The following STK31 variants were observed in gnomAD, a reference collection of about 807,000 sequenced individuals.
STK31 encodes the protein serine/threonine-protein kinase 31.
In STK31, 89 loss-of-function variants were observed where a neutral mutation model predicts 129.7. The ratio of observed to expected loss-of-function variants is 0.69; its 90% CI spans 0.58 to 0.82. STK31 has a LOEUF of 0.82. Ranked by LOEUF, STK31 falls within the 40% of genes least tolerant of loss-of-function variation. The pLI is 0.00. For missense variants in STK31, 1,187 were observed against 1,176.4 expected, an observed-to-expected ratio of 1.01 and a Z score of -0.13; for synonymous variants, 448 against 395.3, an observed-to-expected ratio of 1.13 and a Z score of -1.58.
At chr7:23,767,291 T>C (rs1789890811) in intron 11 of STK31, among the ~76,000 whole-genome samples, 1 of 152,224 alleles carries the variant, frequency 6.6e-6, no homozygotes, top group Non-Finnish European at 1.5e-5. Context: ...AGATCTCATA[T>C]TCCCTTGGAA....
chr7:23,831,935 C>G (rs752248109), intron 23 of STK31, among the ~76,000 whole-genome samples: 21 of 152,258 alleles, frequency 1.4e-4, no homozygotes, highest in Middle Eastern at 3.4e-3. Context: ...CTGTGCCCAG[C>G]CAGATGATCT....
At chr7:23,786,978 C>A in intron 20 of STK31, 54 bp downstream of exon 20, 2 of 1,522,416 alleles carry the variant, frequency 1.3e-6, no homozygotes, top group Non-Finnish European at 9.1e-7. Flanking sequence ...GAAAATAACA[C>A]CTGATATTTA....
Position 23,710,322 on chromosome 7 carries a change from A to T in STK31, c.37A>T (p.Thr13Ser), listed in dbSNP as rs1350675504. ...GGGTCACTCTTCTAGAGCTTCCGCA[A>T]CGGAAAGTGTGAGGTCAGTAGTAGT... ...VQGHSSRASA[T>S]ESVSFSGIVQ... is the part of the protein sequence containing the mutation. The change falls in exon 1 of 24, where the codon ACG (threonine) becomes TCG (serine). Residue 13 changes from threonine (T) to serine (S), a missense_variant. Transcript: ENST00000355870. 6 of 1,613,318 alleles carry T rather than the reference A, an allele frequency of 3.7e-6. No homozygotes were observed. Among genetic ancestry groups the T allele is most frequent in the Non-Finnish European group, 5.1e-6 (6 of 1,179,924 alleles).
Position 23,729,615 on chromosome 7 carries a change from A to G in STK31, c.483+366A>G, listed in dbSNP as rs889301676. On this transcript the variant is annotated intron_variant, in intron 6 of 23. Transcript: ENST00000355870. ...AACCTCTGCCTCCCAGGTTCAAGCA[A>G]TTCTTCTGCCTCAGCCTCCCGAATA... is the stretch of plus-strand genomic sequence containing the variant. Among the ~76,000 whole-genome samples, 10 of 151,702 alleles carry G rather than the reference A, an allele frequency of 6.6e-5. 1 individual carries two copies. In the East Asian group the frequency reaches 1.7e-3, roughly 26 times the overall value.
chr7:23,727,330 G>A lies in STK31; in HGVS notation c.324+15G>A, dbSNP rs1787145195. On this transcript the variant is annotated intron_variant, in intron 5 of 23. Transcript: ENST00000355870. ...GCGTTGAAAAGGCAGGAAATTAAGT[G>A]TTCAGTTTTTTTTTGCTTTAAGAAA... The A allele has an allele frequency of 6.2e-7, 1 of 1,610,782 alleles. No individual in the cohort carries two copies. Among genetic ancestry groups the A allele is most frequent in the Non-Finnish European group, 8.5e-7 (1 of 1,177,852 alleles).
At chr7:23,819,624 A>C (rs570106396) in intron 23 of STK31, among the ~76,000 whole-genome samples, 9 of 152,292 alleles carry the variant, frequency 5.9e-5, no homozygotes, top group African/African-American at 2.2e-4. Flanking sequence ...CATGTTGGCC[A>C]GGCTGATCTT....
chr7:23,825,074 C>T (rs1420721847), intron 23 of STK31, among the ~76,000 whole-genome samples: 31 of 152,014 alleles, frequency 2.0e-4, no homozygotes, highest in African/African-American at 2.9e-4. Context: ...TTGGTTGTGT[C>T]TCTGCCCGGC....
At chr7:23,810,446 G>A (rs1227401716) in intron 22 of STK31, among the ~76,000 whole-genome samples, 1 of 142,716 alleles carries the variant, frequency 7.0e-6, no homozygotes, top group Non-Finnish European at 1.5e-5. Flanking sequence ...TACTGGTTTT[G>A]TTTGTTTCTT....
chr7:23,750,015 A>G (rs1306946823), intron 8 of STK31, among the ~76,000 whole-genome samples: 1 of 139,650 alleles, frequency 7.2e-6, no homozygotes, highest in African/African-American at 2.6e-5. Context: ...TTTTCAGGGT[A>G]GATCTTATTA....
intron 23 of STK31, among the ~76,000 whole-genome samples, chr7:23,819,518 G>T (rs1466614111): frequency 2.0e-5 from 3 of 151,696 alleles, no homozygotes; most frequent in African/African-American, 7.3e-5. Flanking sequence ...AGGTTCAAGC[G>T]ATTCTCCTGC....
intron 22 of STK31, among the ~76,000 whole-genome samples, chr7:23,796,348 A>G (rs1478109872): frequency 7.4e-6 from 1 of 134,416 alleles, no homozygotes; most frequent in Non-Finnish European, 1.6e-5. Flanking sequence ...GAAAGTAAAC[A>G]TATCAAGTTT....
chr7:23,717,402 A>G, intron 3 of STK31, 79 bp from the exon 4 acceptor site: 3 of 885,286 alleles, frequency 3.4e-6, no homozygotes, highest in Non-Finnish European at 4.9e-6. Flanking sequence ...TTTTAAGTTT[A>G]TCATGCTTAG....
intron 18 of STK31, among the ~76,000 whole-genome samples, chr7:23,786,237 G>T (rs1206663504): frequency 6.6e-6 from 1 of 151,546 alleles, no homozygotes; most frequent in Non-Finnish European, 1.5e-5. Context: ...TCTTCTCATT[G>T]ATCTGGGAAA....
At chr7:23,773,717 TTGTGTGTGTGTGTGTGAGTG>T (rs1445956616) in intron 15 of STK31, among the ~76,000 whole-genome samples, 7 of 138,462 alleles carry the variant, frequency 5.1e-5, no homozygotes, top group African/African-American at 1.0e-4. Flanking sequence ...GTTTCCTGAC[TTGTGTGTGTGTGTGTGAGTG>T]TGTGTGTGTG....
intron 22 of STK31, among the ~76,000 whole-genome samples, chr7:23,795,229 T>A (rs2128116949): frequency 6.6e-6 from 1 of 152,304 alleles, no homozygotes; most frequent in South Asian, 2.1e-4. Context: ...TGGTGCCCTG[T>A]GTCCCACCTG....
intron 2 of STK31, 22 bp from the exon 3 acceptor site, chr7:23,712,212 T>C: frequency 1.9e-6 from 3 of 1,614,092 alleles, no homozygotes; most frequent in Non-Finnish European, 2.5e-6. Flanking sequence ...CTAATTTTCC[T>C]TGTATTGTGA....
At chr7:23,712,894 A>G (rs1158047823) in intron 3 of STK31, among the ~76,000 whole-genome samples, 2 of 152,202 alleles carry the variant, frequency 1.3e-5, no homozygotes, top group African/African-American at 2.4e-5. Flanking sequence ...TAAACTATAC[A>G]TGATACGGAA....
chr7:23,735,543 A>G lies in STK31; in HGVS notation c.489A>G (p.Thr163=), dbSNP rs138226125. 12 of 1,592,480 alleles carry G rather than the reference A, an allele frequency of 7.5e-6. No homozygotes were observed. Among genetic ancestry groups the G allele is most frequent in the Non-Finnish European group, 9.4e-6 (11 of 1,168,580 alleles). ...DQEVTQFDQG[T]TFLGSLIFEK... is the part of the protein sequence containing the mutation. ...TATGTTTTCTTCTTTCTTAGGGCAC[A>G]ACCTTTTTGGGGAGCTTGATTTTTG... Residue 163 remains threonine, a synonymous_variant, in exon 7 of 24, where the codon ACA becomes ACG. Coordinates refer to ENST00000355870, the MANE Select transcript of STK31 (RefSeq NM_031414.5).
rs148938069 is a variant in STK31 at position 23,737,813 on chromosome 7, A to G, written c.1017+735A>G. Among the ~76,000 whole-genome samples, 365 of 151,992 alleles carry G rather than the reference A, an allele frequency of 2.4e-3. 2 individuals carry two copies. The highest frequency in any genetic ancestry group is 6.8e-3 in the Middle Eastern group (2 of 294). On this transcript the variant is annotated intron_variant, in intron 8 of 23. Transcript: ENST00000355870. ...TAATCACGTCTCCAGATTTGCTCAGATTTTAGTTCAGAAATTTTCCCCCCC... is the reference window on the plus strand; with the variant it reads ...TAATCACGTCTCCAGATTTGCTCAGGTTTTAGTTCAGAAATTTTCCCCCCC...
Sources: gnomAD v4.1 joint callset for allele counts (sites outside exome capture counted in the v4.1 genomes callset) on GRCh38, gnomAD v4.1.1 for gene constraint, MANE v1.5 for transcripts, NCBI Gene and HGNC (gene_info 2026-07-23, HGNC 2026-07-21) for gene names.